PI4KA: variants seen among roughly 807,000 people sequenced by gnomAD.
PI4KA encodes the protein phosphatidylinositol 4-kinase alpha.
Under a neutral mutation model 271.4 loss-of-function variants are expected in PI4KA, and 122 were observed. The observed-to-expected ratio is 0.45, with a 90% CI of 0.39 to 0.52. The LOEUF is 0.52. Ranked by LOEUF, PI4KA falls within the 20% of genes least tolerant of loss-of-function variation. PI4KA has a pLI of 0.00. For synonymous variants in PI4KA, 1,041 were observed against 1,078.8 expected, an observed-to-expected ratio of 0.96 and a Z score of 0.69; for missense variants, 1,969 against 2,769.1, an observed-to-expected ratio of 0.71 and a Z score of 6.48.
intron 19 of PI4KA, among the ~76,000 whole-genome samples, chr22:20,766,156 A>C (rs1223872159): frequency 1.3e-5 from 2 of 152,216 alleles, no homozygotes; most frequent in Non-Finnish European, 2.9e-5. Context: ...TGCGAGCCAG[A>C]GCTTGAGGAA....
At chr22:20,800,286 C>T (rs1935221303) in intron 14 of PI4KA, among the ~76,000 whole-genome samples, 1 of 152,150 alleles carries the variant, frequency 6.6e-6, no homozygotes, top group Non-Finnish European at 1.5e-5. Context: ...AGACAAGCTG[C>T]CATCTTGATT....
At chr22:20,831,870 A>G (rs1265062984) in intron 3 of PI4KA, among the ~76,000 whole-genome samples, 2 of 152,070 alleles carry the variant, frequency 1.3e-5, no homozygotes, top group African/African-American at 2.4e-5. Context: ...TGGCCTCTCT[A>G]GTGAGATTGG....
At chr22:20,850,967 C>T (rs1310478586) in intron 1 of PI4KA, among the ~76,000 whole-genome samples, 1 of 152,084 alleles carries the variant, frequency 6.6e-6, no homozygotes, top group Admixed American at 6.6e-5. Context: ...ATCCCTCAAA[C>T]CAAGGAATTC....
chr22:20,855,547 C>T (rs1927490753), intron 1 of PI4KA, among the ~76,000 whole-genome samples: 1 of 152,070 alleles, frequency 6.6e-6, no homozygotes, highest in Admixed American at 6.5e-5. Flanking sequence ...GAATGGATAT[C>T]AGCAATAGGA....
chr22:20,724,609 CA>C (rs1249302198), intron 42 of PI4KA, among the ~76,000 whole-genome samples: 1 of 151,876 alleles, frequency 6.6e-6, no homozygotes, highest in East Asian at 1.9e-4. Flanking sequence ...CTGTCTAAAA[CA>C]AAACAAAACG....
At position 20,774,909 on chromosome 22, in the gene PI4KA, G is replaced by A. The variant is rs199547792; in HGVS notation, c.2329-9216C>T. Among the ~76,000 whole-genome samples, 16 of 152,204 alleles carry A rather than the reference G, an allele frequency of 1.1e-4. No individual in the cohort carries two copies. In the East Asian group the frequency reaches 3.1e-3, roughly 29 times the overall value. On this transcript the variant is annotated intron_variant, in intron 19 of 54. Coordinates refer to ENST00000255882, the MANE Select transcript of PI4KA (RefSeq NM_058004.4). ...ACACACACACACAGATAATGACAGGGCAAAGGTTCCAAAATTTTAAACCTG... is the reference window on the plus strand; with the variant it reads ...ACACACACACACAGATAATGACAGGACAAAGGTTCCAAAATTTTAAACCTG...
rs765489689 is a variant in PI4KA, at chr22:20,751,678, C to T, written c.3065G>A (p.Ser1022Asn). The change falls in exon 26 of 55, where the codon AGC becomes AAC. Residue 1022 changes from serine to asparagine, a missense_variant. Ser to Asn is a conservative substitution (Grantham distance 46, BLOSUM62 1). Around this residue, in one of 13 missense-constraint regions of PI4KA, gnomAD observed 368 missense variants for 544.3 expected, o/e 0.68. Transcript: ENST00000255882. ...DILQTLSLSLSADIHKDQPYY... is the reference protein window; with the variant it reads ...DILQTLSLSLNADIHKDQPYY... ...AGGTCTCCTGGGGACACTCACAGCG[C>T]TCAGTGACAGTGACAGGGTCTGCAG... 9.9e-6 allele frequency: 16 copies of T among 1,613,248 alleles called. No individual in the cohort carries two copies. The highest frequency in any genetic ancestry group is 9.3e-5 in the African/African-American group (7 of 74,920).
At chr22:20,809,988 G>A (rs1035752921) in intron 9 of PI4KA, among the ~76,000 whole-genome samples, 1 of 152,170 alleles carries the variant, frequency 6.6e-6, no homozygotes, top group Non-Finnish European at 1.5e-5. Context: ...ATCAGGCACT[G>A]TGTGTCTTAA....
chr22:20,722,871 A>G (rs1272191725), intron 42 of PI4KA, among the ~76,000 whole-genome samples: 1 of 152,208 alleles, frequency 6.6e-6, no homozygotes, highest in East Asian at 1.9e-4. Flanking sequence ...AAGACAAACT[A>G]TGAATGTTCA....
intron 1 of PI4KA, among the ~76,000 whole-genome samples, chr22:20,841,791 G>A (rs894145375): frequency 6.6e-6 from 1 of 152,176 alleles, no homozygotes; most frequent in Admixed American, 6.5e-5. Flanking sequence ...GTCATTAAAA[G>A]GAGAAGAGAG....
At chr22:20,728,353 G>C (rs972885665) in intron 39 of PI4KA, among the ~76,000 whole-genome samples, 1 of 152,224 alleles carries the variant, frequency 6.6e-6, no homozygotes, top group Non-Finnish European at 1.5e-5. Flanking sequence ...TTTTTAAAAA[G>C]AGGATTATAA....
intron 43 of PI4KA, among the ~76,000 whole-genome samples, chr22:20,719,817 G>A (rs1353522815): frequency 6.6e-6 from 1 of 151,990 alleles, no homozygotes; most frequent in Non-Finnish European, 1.5e-5. Context: ...ACAAGGTCAG[G>A]AAATTGAGAC....
Position 20,824,781 on chromosome 22 carries a change from A to ACAC in PI4KA, c.368-368_368-367insGTG, listed in dbSNP as rs879423661. ...ACACACACACACACACACACACACA[A>ACAC]AACACTCGGCTGGGCGAAGTGGCTC... On this transcript the variant is annotated intron_variant, in intron 3 of 54. Transcript: ENST00000255882. 2.8e-3 allele frequency among the ~76,000 whole-genome samples: 380 copies of ACAC among 136,578 alleles called. 1 individual carries two copies. Among genetic ancestry groups the ACAC allele is most frequent in the Middle Eastern group, 7.4e-3 (2 of 270 alleles). The allele number at this position is 136,578 out of a possible 152,430, so 89.6% of individuals were successfully genotyped here. A position where few individuals can be genotyped will look rare whatever the true frequency, so the allele number is the denominator to read the frequency against.
rs11552980 is a variant in PI4KA, at chr22:20,751,710, C to T, written c.3033G>A (p.Leu1011=). ...ACAGTGACAGGGTCTGCAGGATGTCCAGCATGGTCTTCAGCACAGTCCCGC... is the reference window on the plus strand; with the variant it reads ...ACAGTGACAGGGTCTGCAGGATGTCTAGCATGGTCTTCAGCACAGTCCCGC... The part of the protein sequence containing the change: ...LWSGTVLKTM[L]DILQTLSLSL... The change falls in exon 26 of 55, where the codon CTG becomes CTA. Residue 1011 remains leucine, a synonymous_variant. Transcript: ENST00000255882. 15,554 of 1,614,092 alleles carry T rather than the reference C, an allele frequency of 9.6e-3. 119 individuals are homozygous for T. Among genetic ancestry groups the T allele is most frequent in the East Asian group, 0.048 (2,159 of 44,878 alleles).
At chr22:20,742,542 T>C (rs1292054243) in intron 31 of PI4KA, 66 bp downstream of exon 31, 11 of 1,588,784 alleles carry the variant, frequency 6.9e-6, no homozygotes, top group African/African-American at 2.7e-5. Context: ...CAGCTGGCTA[T>C]GGGTCATCAA....
chr22:20,755,315 C>A (rs550208842), intron 23 of PI4KA, among the ~76,000 whole-genome samples: 289 of 152,270 alleles, frequency 1.9e-3, no homozygotes, highest in African/African-American at 6.7e-3. Context: ...CTTGTCTTTT[C>A]TTCTTCTTTC....
intron 45 of PI4KA, 42 bp from the exon 46 acceptor site, chr22:20,714,742 C>T (rs779606812): frequency 6.3e-7 from 1 of 1,594,506 alleles, no homozygotes; most frequent in Non-Finnish European, 8.6e-7. Flanking sequence ...GCATGTGTCA[C>T]CACAGGTGAG....
chr22:20,828,472 TATA>T (rs1360714459), intron 3 of PI4KA, among the ~76,000 whole-genome samples: 3 of 152,170 alleles, frequency 2.0e-5, no homozygotes, highest in African/African-American at 7.2e-5. Context: ...GACCATACAG[TATA>T]ATGATGGCTA....
intron 17 of PI4KA, among the ~76,000 whole-genome samples, chr22:20,796,956 C>T (rs1935022363): frequency 6.6e-6 from 1 of 152,234 alleles, no homozygotes; most frequent in Non-Finnish European, 1.5e-5. Context: ...GACTGCCAGA[C>T]TCTGTCATGT....
Sources: allele counts gnomAD v4.1 joint callset (sites outside exome capture counted in the v4.1 genomes callset), GRCh38; gene constraint gnomAD v4.1.1; regional missense constraint gnomAD v4.1.1; transcripts MANE v1.5; gene names NCBI Gene and HGNC (gene_info 2026-07-23, HGNC 2026-07-21).